The following RNF180 variants were observed in gnomAD, a reference collection of about 807,000 sequenced individuals.
The protein encoded by RNF180 is E3 ubiquitin-protein ligase RNF180.
RNF180 carries 38 observed loss-of-function variants against 59.2 expected under a neutral mutation model. The observed-to-expected ratio is 0.64, with a 90% CI of 0.50 to 0.84. RNF180 has a LOEUF of 0.84. Among genes scored for constraint, RNF180 ranks in the 40% least tolerant of loss-of-function variants. The probability of loss-of-function intolerance (pLI) is 0.00; values close to 1 mark genes in which losing one functional copy is unlikely to be tolerated. For missense variants in RNF180, 705 were observed against 700.9 expected, an observed-to-expected ratio of 1.01 and a Z score of -0.07; for synonymous variants, 262 against 240.3, an observed-to-expected ratio of 1.09 and a Z score of -0.84.
At chr5:64,191,394 A>G (rs1237518136) in intron 1 of RNF180, among the ~76,000 whole-genome samples, 1 of 152,180 alleles carries the variant, frequency 6.6e-6, no homozygotes, top group African/African-American at 2.4e-5. Flanking sequence ...GTCCACCATT[A>G]CAATATCATA....
At chr5:64,185,973 A>T (rs577756789) in intron 1 of RNF180, among the ~76,000 whole-genome samples, 1 of 152,334 alleles carries the variant, frequency 6.6e-6, no homozygotes, top group East Asian at 1.9e-4. Flanking sequence ...TGGTGGGATA[A>T]GTAAGTAAAC....
In RNF180 at chr5:64,270,046, C is replaced by CAA. The variant is rs201438510; in HGVS notation, c.1227+52651_1227+52652insAA. 2.0e-3 allele frequency among the ~76,000 whole-genome samples: 302 copies of CAA among 151,282 alleles called. 1 individual carries two copies. Among genetic ancestry groups the CAA allele is most frequent in the African/African-American group, 6.0e-3 (250 of 41,412 alleles). On this transcript the variant is annotated intron_variant, in intron 5 of 7. Transcript: ENST00000389100. ...ACAATAACACACACACACACACACA[C>CAA]ACAAAAGCCTTTAGTGGATCGTAAA...
chr5:64,350,457 G>T lies in RNF180; in HGVS notation c.1580-19158G>T, dbSNP rs185609053. Among the ~76,000 whole-genome samples, 6 of 152,098 alleles carry T rather than the reference G, an allele frequency of 3.9e-5. No homozygotes were observed. The South Asian group carries it at 8.3e-4, about 21-fold the overall frequency. ...TTTCGCTTTTGTTGCCATTGCTTTT[G>T]GTGTTTTAGACATGAAGTCCTCGCC... On this transcript the variant is annotated intron_variant, in intron 7 of 7. Coordinates refer to ENST00000389100, the MANE Select transcript of RNF180 (RefSeq NM_001113561.2).
chr5:64,342,579 C>T (rs926191710), intron 7 of RNF180, among the ~76,000 whole-genome samples: 3 of 152,208 alleles, frequency 2.0e-5, no homozygotes, highest in South Asian at 2.1e-4. Flanking sequence ...AGTTATCCTA[C>T]AGGGAGGGAC....
intron 5 of RNF180, among the ~76,000 whole-genome samples, chr5:64,226,665 TAA>T (rs1190334274): frequency 5.0e-5 from 7 of 138,998 alleles, no homozygotes; most frequent in Middle Eastern, 3.3e-3. Context: ...CAATAAATAC[TAA>T]AAAAAAAAAA....
intron 5 of RNF180, among the ~76,000 whole-genome samples, chr5:64,288,386 CT>C: frequency 6.6e-6 from 1 of 152,096 alleles, no homozygotes; most frequent in Non-Finnish European, 1.5e-5. Flanking sequence ...TATTTGGGCT[CT>C]TTTTTAGTTA....
chr5:64,178,698 TA>T (rs1750395942), intron 1 of RNF180, among the ~76,000 whole-genome samples: 1 of 152,204 alleles, frequency 6.6e-6, no homozygotes, highest in Non-Finnish European at 1.5e-5. Flanking sequence ...CTTCTTAATT[TA>T]TTTTTTTATA....
At chr5:64,222,593 G>A (rs1741412248) in intron 5 of RNF180, among the ~76,000 whole-genome samples, 1 of 152,202 alleles carries the variant, frequency 6.6e-6, no homozygotes, top group Non-Finnish European at 1.5e-5. Flanking sequence ...AGACTCAGTA[G>A]CTAAGGTTTT....
At chr5:64,208,897 G>A (rs1362671459) in intron 2 of RNF180, among the ~76,000 whole-genome samples, 1 of 151,852 alleles carries the variant, frequency 6.6e-6, no homozygotes, top group African/African-American at 2.4e-5. Flanking sequence ...GGGTACAAAA[G>A]GAGAATCAGC....
chr5:64,257,943 G>C (rs1226989405), intron 5 of RNF180, among the ~76,000 whole-genome samples: 1 of 152,218 alleles, frequency 6.6e-6, no homozygotes, highest in African/African-American at 2.4e-5. Flanking sequence ...CATAGTGCTT[G>C]CTGCCTAGGA....
intron 5 of RNF180, 129 bp downstream of exon 5, chr5:64,217,525 G>A: frequency 1.6e-6 from 2 of 1,264,362 alleles, no homozygotes; most frequent in African/African-American, 1.5e-5. Context: ...GGTATTCTCA[G>A]TGTTTTAAAA....
intron 7 of RNF180, among the ~76,000 whole-genome samples, chr5:64,362,552 C>G (rs1033725223): frequency 6.6e-6 from 1 of 151,676 alleles, no homozygotes; most frequent in East Asian, 1.9e-4. Flanking sequence ...AGAACATACA[C>G]GTGCATGTGT....
chr5:64,291,498 C>T (rs1742583838), intron 5 of RNF180, among the ~76,000 whole-genome samples: 1 of 141,376 alleles, frequency 7.1e-6, no homozygotes, highest in African/African-American at 2.7e-5. Context: ...GATCTTGGCT[C>T]ACTGCAAGCT....
At chr5:64,271,171 A>G (rs562639713) in intron 5 of RNF180, among the ~76,000 whole-genome samples, 1 of 151,964 alleles carries the variant, frequency 6.6e-6, no homozygotes, top group African/African-American at 2.4e-5. Context: ...ATAAAAAACT[A>G]CAACTAAGTG....
chr5:64,359,473 G>T (rs1367821047), intron 7 of RNF180, among the ~76,000 whole-genome samples: 2 of 151,982 alleles, frequency 1.3e-5, no homozygotes, highest in Non-Finnish European at 2.9e-5. Flanking sequence ...CCCACTTTTT[G>T]ATGGGGTTGT....
chr5:64,234,085 C>T (rs1742258014), intron 5 of RNF180, among the ~76,000 whole-genome samples: 1 of 152,196 alleles, frequency 6.6e-6, no homozygotes, highest in African/African-American at 2.4e-5. Context: ...ATGCTTAATT[C>T]AGCTGTCTTG....
chr5:64,171,551 G>C (rs1749936016), intron 1 of RNF180, among the ~76,000 whole-genome samples: 4 of 152,150 alleles, frequency 2.6e-5, no homozygotes, highest in Admixed American at 2.6e-4. Flanking sequence ...GTGAGGGGTG[G>C]TCATTCCAGG....
chr5:64,279,682 T>C (rs1227947071), intron 5 of RNF180, among the ~76,000 whole-genome samples: 1 of 152,238 alleles, frequency 6.6e-6, no homozygotes, highest in Non-Finnish European at 1.5e-5. Flanking sequence ...TGAATATTTA[T>C]TGAGAATCTA....
At chr5:64,351,742 C>T (rs551257165) in intron 7 of RNF180, among the ~76,000 whole-genome samples, 4 of 151,782 alleles carry the variant, frequency 2.6e-5, no homozygotes, top group African/African-American at 9.6e-5. Flanking sequence ...CCTTGCATCC[C>T]AGGGATGAAG....
Sources: allele counts gnomAD v4.1 joint callset (sites outside exome capture counted in the v4.1 genomes callset), GRCh38; gene constraint gnomAD v4.1.1; transcripts MANE v1.5; gene names NCBI Gene and HGNC (gene_info 2026-07-23, HGNC 2026-07-21).